The following CNOT6 variants were observed in gnomAD, a reference collection of about 807,000 sequenced individuals.
CNOT6 encodes carbon catabolite repression 4 protein.
In CNOT6, 12 loss-of-function variants were observed where a neutral mutation model predicts 61.2. The observed-to-expected ratio is 0.20, with a 90% confidence interval of 0.13 to 0.32. The LOEUF (loss-of-function observed/expected upper bound fraction) is 0.32, where lower values mean the gene tolerates loss of function less well. Ranked by LOEUF, CNOT6 falls within the 10% of genes least tolerant of loss-of-function variation. The probability of loss-of-function intolerance (pLI) is 1.00; values close to 1 mark genes in which losing one functional copy is unlikely to be tolerated. For synonymous variants in CNOT6, 225 were observed against 240.6 expected, an observed-to-expected ratio of 0.94 and a Z score of 0.60; for missense variants, 405 against 663.9, an observed-to-expected ratio of 0.61 and a Z score of 4.28.
At chr5:180,514,741 A>G (rs1277220203) in intron 1 of CNOT6, among the ~76,000 whole-genome samples, 2 of 152,210 alleles carry the variant, frequency 1.3e-5, no homozygotes, top group Non-Finnish European at 2.9e-5. Flanking sequence ...TGCTTGTCAC[A>G]TTGAAGGTAC....
chr5:180,539,291 C>CA (rs1327702655), intron 2 of CNOT6, among the ~76,000 whole-genome samples: 27 of 115,458 alleles, frequency 2.3e-4, no homozygotes, highest in Non-Finnish European at 4.6e-4. Flanking sequence ...TAAAAACAAA[C>CA]AAACAAAAAA....
intron 2 of CNOT6, among the ~76,000 whole-genome samples, chr5:180,530,611 G>A (rs1758307858): frequency 6.7e-6 from 1 of 149,498 alleles, no homozygotes; most frequent in South Asian, 2.1e-4. Flanking sequence ...GGTGTTTCTC[G>A]GAGAGGGGGA....
At chr5:180,497,039 C>T (rs1301591369) in intron 1 of CNOT6, among the ~76,000 whole-genome samples, 1 of 152,122 alleles carries the variant, frequency 6.6e-6, no homozygotes, top group African/African-American at 2.4e-5. Context: ...TAAAAGTATG[C>T]ATTTTATGCC....
chr5:180,514,477 A>G (rs766208399), intron 1 of CNOT6, among the ~76,000 whole-genome samples: 1 of 152,206 alleles, frequency 6.6e-6, no homozygotes, highest in Non-Finnish European at 1.5e-5. Flanking sequence ...TGTAATTAGG[A>G]CTTGGCTTTA....
chr5:180,541,388 C>T (rs917656467), intron 2 of CNOT6, among the ~76,000 whole-genome samples: 38 of 150,626 alleles, frequency 2.5e-4, no homozygotes, highest in East Asian at 7.8e-4. Context: ...CCACCCGCCA[C>T]GGCCTCCCGA....
chr5:180,540,583 T>A (rs1758983492), intron 2 of CNOT6, among the ~76,000 whole-genome samples: 1 of 152,260 alleles, frequency 6.6e-6, no homozygotes, highest in South Asian at 2.1e-4. Flanking sequence ...GTTAGATGAT[T>A]CTGCCCAAAT....
chr5:180,496,348 G>A (rs1756614437), intron 1 of CNOT6, among the ~76,000 whole-genome samples: 1 of 152,182 alleles, frequency 6.6e-6, no homozygotes, highest in Non-Finnish European at 1.5e-5. Flanking sequence ...ACCTTTCTAG[G>A]TGGAGGTGAC....
At chr5:180,568,759 G>A (rs1006757620) in intron 9 of CNOT6, among the ~76,000 whole-genome samples, 1 of 152,092 alleles carries the variant, frequency 6.6e-6, no homozygotes, top group Non-Finnish European at 1.5e-5. Flanking sequence ...AGGACTTAAC[G>A]ATTGTCTTAA....
At chr5:180,550,194 C>A in intron 3 of CNOT6, 77 bp downstream of exon 3, 1 of 1,144,882 alleles carries the variant, frequency 8.7e-7, no homozygotes, top group Non-Finnish European at 1.3e-6. Flanking sequence ...GTGGCTTATG[C>A]CTGTAATTCT....
rs1278199401 is a variant in CNOT6 at position 180,529,310 on chromosome 5, C to T, written c.34C>T (p.Arg12Trp). 6 of 1,613,110 alleles carry T rather than the reference C, an allele frequency of 3.7e-6. No homozygotes were observed. The highest frequency in any genetic ancestry group is 2.2e-5 in the East Asian group (1 of 44,870). ...AGAAAAATACGAGCCCCCTGACCCT[C>T]GGAGGATGTATACAATTATGTCTTC... ...PKEKYEPPDP[R>W]RMYTIMSSEE... Residue 12 changes from arginine to tryptophan, a missense_variant, in exon 2 of 12, where the codon CGG becomes TGG. Around this residue, in one of 5 missense-constraint regions of CNOT6, gnomAD observed 212 missense variants for 307.1 expected, o/e 0.69. Transcript: ENST00000261951.
At chr5:180,532,430 T>G (rs2127724004) in intron 2 of CNOT6, among the ~76,000 whole-genome samples, 1 of 152,282 alleles carries the variant, frequency 6.6e-6, no homozygotes, top group East Asian at 1.9e-4. Context: ...TTGGTGACTT[T>G]GAGTCACTGT....
chr5:180,568,035 C>A, intron 9 of CNOT6, 32 bp downstream of exon 9: 1 of 1,577,176 alleles, frequency 6.3e-7, no homozygotes, highest in South Asian at 1.2e-5. Context: ...TAAAATTGAC[C>A]AGCTCTGACT....
At chr5:180,527,559 C>T (rs1211487998) in intron 1 of CNOT6, among the ~76,000 whole-genome samples, 1 of 152,136 alleles carries the variant, frequency 6.6e-6, no homozygotes, top group Admixed American at 6.5e-5. Flanking sequence ...CCTCTAGATC[C>T]CTTACTTTGT....
chr5:180,500,096 TC>T (rs1756802812), intron 1 of CNOT6, among the ~76,000 whole-genome samples: 6 of 119,064 alleles, frequency 5.0e-5, no homozygotes, highest in Non-Finnish European at 1.2e-4. Context: ...CCTTTTCTTT[TC>T]TTTTTTTTTC....
At chr5:180,563,068 T>C (rs1760265122) in intron 4 of CNOT6, among the ~76,000 whole-genome samples, 1 of 152,178 alleles carries the variant, frequency 6.6e-6, no homozygotes, top group African/African-American at 2.4e-5. Flanking sequence ...AACCGAAAGA[T>C]CTTAAAGATA....
At chr5:180,538,579 T>A (rs1758837205) in intron 2 of CNOT6, among the ~76,000 whole-genome samples, 1 of 150,580 alleles carries the variant, frequency 6.6e-6, no homozygotes, top group African/African-American at 2.4e-5. Flanking sequence ...TCCTAGCTAG[T>A]CAGGAGGCCT....
chr5:180,553,709 A>G (rs985878858), intron 4 of CNOT6, among the ~76,000 whole-genome samples: 3 of 151,984 alleles, frequency 2.0e-5, no homozygotes, highest in Non-Finnish European at 4.4e-5. Flanking sequence ...CTCTGTTTTA[A>G]TAAACCCTGT....
intron 2 of CNOT6, among the ~76,000 whole-genome samples, chr5:180,536,003 T>G (rs1346276655): frequency 1.6e-5 from 2 of 125,492 alleles, no homozygotes; most frequent in Non-Finnish European, 1.7e-5. Flanking sequence ...TTTTTTTTTT[T>G]TTTTTTTTTT....
intron 8 of CNOT6, 76 bp from the exon 9 acceptor site, chr5:180,567,773 A>G: frequency 6.2e-7 from 1 of 1,607,228 alleles, no homozygotes; most frequent in Non-Finnish European, 8.5e-7. Flanking sequence ...AGTTTGGGAA[A>G]ACTGCGTTTC....
Sources: gnomAD v4.1 joint callset for allele counts (sites outside exome capture counted in the v4.1 genomes callset) on GRCh38, gnomAD v4.1.1 for gene constraint, gnomAD v4.1.1 regional missense constraint, MANE v1.5 for transcripts, NCBI Gene and HGNC (gene_info 2026-07-23, HGNC 2026-07-21) for gene names.